The following TRAPPC13 variants were observed in gnomAD, a reference collection of about 807,000 sequenced individuals.
TRAPPC13 encodes REV7-interacting novel NHEJ regulator 1.
In TRAPPC13, 39 loss-of-function variants were observed where a neutral mutation model predicts 54.0. The ratio of observed to expected loss-of-function variants is 0.72; its 90% CI spans 0.56 to 0.94. TRAPPC13 has a LOEUF of 0.94. Among genes scored for constraint, TRAPPC13 ranks in the 40% least tolerant of loss-of-function variants. The pLI is 0.00. For missense variants in TRAPPC13, 386 were observed against 488.1 expected, an observed-to-expected ratio of 0.79 and a Z score of 1.97; for synonymous variants, 148 against 167.7, an observed-to-expected ratio of 0.88 and a Z score of 0.91.
Position 65,664,292 on chromosome 5 carries a change from T to C in TRAPPC13, c.1054T>C (p.Cys352Arg). 6.2e-7 allele frequency: 1 copy of C among 1,613,570 alleles called. No homozygotes were observed. Among genetic ancestry groups the C allele is most frequent in the Non-Finnish European group, 8.5e-7 (1 of 1,179,526 alleles). Residue 352 changes from cysteine (C) to arginine (R), a missense_variant, in exon 12 of 13, where the codon TGT becomes CGT. By Grantham distance (180) the Cys-to-Arg change is radical. Transcript: ENST00000399438. Reference sequence around the variant, plus strand: ...GTGCAATACCAATTCCATCCACTGGTGTGGAATTTCAGGAAGACAGCTGGG... The same window carrying C: ...GTGCAATACCAATTCCATCCACTGGCGTGGAATTTCAGGAAGACAGCTGGG... ...EMCNTNSIHW[C>R]GISGRQLGKL... is the part of the protein sequence containing the mutation.
chr5:65,664,552 G>C lies in TRAPPC13; in HGVS notation c.1195G>C (p.Glu399Gln). 2 of 1,612,150 alleles carry C rather than the reference G, an allele frequency of 1.2e-6. No individual in the cohort carries two copies. The highest frequency in any genetic ancestry group is 2.2e-5 in the South Asian group (2 of 90,536). ...AGACACATTCTTAAAGAGAACATAT[G>C]AATATGATGACATCGCACAAGTCTG... Reference protein sequence around the residue: ...LTDTFLKRTYEYDDIAQVCVV... With the variant: ...LTDTFLKRTYQYDDIAQVCVV... Residue 399 changes from glutamate (E) to glutamine (Q), a missense_variant, in exon 13 of 13, where the codon GAA (glutamate) becomes CAA (glutamine). Physicochemically the swap from Glu to Gln is conservative, Grantham distance 29. Coordinates refer to ENST00000399438, the MANE Select transcript of TRAPPC13 (RefSeq NM_024941.4).
At chr5:65,642,008 C>A (rs1162185112) in intron 4 of TRAPPC13, among the ~76,000 whole-genome samples, 1 of 151,792 alleles carries the variant, frequency 6.6e-6, no homozygotes, top group Non-Finnish European at 1.5e-5. Flanking sequence ...GCATAGAGGT[C>A]TGTAAAGTAG....
chr5:65,628,749 G>A (rs1755374392), intron 1 of TRAPPC13, among the ~76,000 whole-genome samples: 1 of 151,870 alleles, frequency 6.6e-6, no homozygotes, highest in South Asian at 2.1e-4. Flanking sequence ...GGGATTACAG[G>A]CATGAGCCAC....
intron 4 of TRAPPC13, among the ~76,000 whole-genome samples, chr5:65,642,537 T>C (rs1756009126): frequency 6.6e-6 from 1 of 152,202 alleles, no homozygotes. Flanking sequence ...TACTTTATTC[T>C]TTTTCTACCA....
intron 1 of TRAPPC13, 148 bp downstream of exon 1, chr5:65,625,254 T>A: frequency 1.5e-6 from 1 of 684,246 alleles, no homozygotes. Flanking sequence ...AGGAAGCGAT[T>A]TCTCCTGGAT....
At position 65,650,951 on chromosome 5, in the gene TRAPPC13, C is replaced by T. The variant is rs537792475; in HGVS notation, c.501+69C>T. On this transcript the variant is annotated intron_variant, in intron 6 of 12. Transcript: ENST00000399438. ...CTTCCTGGTAGTATACAGTTATTCC[C>T]GTTTATCTGCAGGGAAAACAAGCTC... is the stretch of plus-strand genomic sequence containing the variant. The T allele has an allele frequency of 1.1e-5, 13 of 1,130,924 alleles. No individual in the cohort carries two copies. In the East Asian group the frequency reaches 1.7e-4, roughly 15 times the overall value. 70.1% of individuals were successfully genotyped at this position (1,130,924 alleles called of 1,614,324 possible). A position where few individuals can be genotyped will look rare whatever the true frequency, so the allele number is the denominator to read the frequency against.
intron 9 of TRAPPC13, among the ~76,000 whole-genome samples, chr5:65,658,775 A>G (rs1756745439): frequency 6.6e-6 from 1 of 151,778 alleles, no homozygotes; most frequent in African/African-American, 2.4e-5. Context: ...ATGCAGTGGC[A>G]TGATCTTGAT....
At chr5:65,631,997 AAAT>A (rs1196002133) in intron 1 of TRAPPC13, among the ~76,000 whole-genome samples, 1 of 152,202 alleles carries the variant, frequency 6.6e-6, no homozygotes, top group Admixed American at 6.5e-5. Flanking sequence ...GAAATGAAAA[AAAT>A]AATAGGGAAG....
intron 1 of TRAPPC13, among the ~76,000 whole-genome samples, chr5:65,631,167 A>G (rs1755528607): frequency 6.6e-6 from 1 of 151,988 alleles, no homozygotes; most frequent in South Asian, 2.1e-4. Flanking sequence ...CACACAGCTT[A>G]CATGTCATTA....
Position 65,660,711 on chromosome 5 carries a change from T to C in TRAPPC13, c.711T>C (p.Phe237=), listed in dbSNP as rs746989231. 1 of 1,606,530 alleles carries C rather than the reference T, an allele frequency of 6.2e-7. No individual in the cohort carries two copies. Among genetic ancestry groups the C allele is most frequent in the Non-Finnish European group, 8.5e-7 (1 of 1,176,760 alleles). ...CCACCCCTCTCAGTGTGTCTACGTT[T>C]GGGTCAAGAGCATATTTGCAACCAA... The part of the protein sequence containing the change: ...VSQAGECVST[F]GSRAYLQPMD... Residue 237 remains phenylalanine, a synonymous_variant, in exon 10 of 13, where the codon TTT becomes TTC. Transcript: ENST00000399438.
chr5:65,625,642 T>C (rs1755181600), intron 1 of TRAPPC13, among the ~76,000 whole-genome samples: 1 of 152,248 alleles, frequency 6.6e-6, no homozygotes. Flanking sequence ...CAACTCTCAT[T>C]TTTTGTACAC....
intron 1 of TRAPPC13, chr5:65,630,629 C>T: frequency 9.6e-7 from 1 of 1,040,684 alleles, no homozygotes; most frequent in Non-Finnish European, 1.2e-6. Context: ...TGGTTAATCT[C>T]TAAAATCTAA....
At chr5:65,647,025 C>CTTTT in intron 4 of TRAPPC13, 30 bp from the exon 5 acceptor site, 6 of 1,408,300 alleles carry the variant, frequency 4.3e-6, no homozygotes, top group South Asian at 1.4e-5. Context: ...CTCATTTGGA[C>CTTTT]TTTTTTTTTT....
At chr5:65,652,045 G>A (rs1756478322) in intron 6 of TRAPPC13, among the ~76,000 whole-genome samples, 1 of 151,478 alleles carries the variant, frequency 6.6e-6, no homozygotes, top group Non-Finnish European at 1.5e-5. Context: ...TGTATTTTTA[G>A]TACAGACGGG....
Position 65,658,408 on chromosome 5 carries a change from C to T in TRAPPC13, c.605C>T (p.Thr202Ile). 3 of 1,598,092 alleles carry T rather than the reference C, an allele frequency of 1.9e-6. No homozygotes were observed. The highest frequency in any genetic ancestry group is 2.6e-6 in the Non-Finnish European group (3 of 1,170,976). ...CTGGAAGCCCAGATTCAGAATATGA[C>T]AACCTCACCTATGTTTATGGAGAAG... ...VFLEAQIQNM[T>I]TSPMFMEKVS... Residue 202 changes from threonine (T) to isoleucine (I), a missense_variant, in exon 9 of 13, where the codon ACA becomes ATA. Physicochemically the swap from Thr to Ile is moderately conservative, Grantham distance 89. Coordinates refer to ENST00000399438, the MANE Select transcript of TRAPPC13 (RefSeq NM_024941.4).
At position 65,630,752 on chromosome 5, in the gene TRAPPC13, C is replaced by T. The variant is rs1413724933; in HGVS notation, c.47-4549C>T. On this transcript the variant is annotated intron_variant, in intron 1 of 12. Coordinates refer to ENST00000399438, the MANE Select transcript of TRAPPC13 (RefSeq NM_024941.4). The stretch of plus-strand genomic sequence containing the variant: ...CATGAATGTAGTTCAAAGTGGGAGA[C>T]TAGTCTAGATTTATAATGATGTTTC... 6 of 818,358 alleles carry T rather than the reference C, an allele frequency of 7.3e-6. No individual in the cohort carries two copies. In the African/African-American group the frequency reaches 7.4e-5, roughly 10 times the overall value. The allele number at this position is 818,358 out of a possible 1,614,324, so 50.7% of individuals were successfully genotyped here. A position where few individuals can be genotyped will look rare whatever the true frequency, so the allele number is the denominator to read the frequency against.
intron 4 of TRAPPC13, among the ~76,000 whole-genome samples, chr5:65,644,456 T>C (rs1042600623): frequency 2.0e-5 from 3 of 152,322 alleles, no homozygotes; most frequent in Non-Finnish European, 4.4e-5. Flanking sequence ...CTTTCCTCTT[T>C]GCCTTTTCAA....
intron 10 of TRAPPC13, 85 bp downstream of exon 10, chr5:65,660,982 T>A: frequency 8.6e-7 from 1 of 1,164,660 alleles, no homozygotes; most frequent in South Asian, 1.6e-5. Context: ...CATCCAGCAG[T>A]AAAAAATTGG....
rs531160726 is a variant in TRAPPC13 at position 65,660,708 on chromosome 5, G to A, written c.708G>A (p.Thr236=). Residue 236 remains threonine, a synonymous_variant, in exon 10 of 13, where the codon ACG becomes ACA. Transcript: ENST00000399438. ...SVSQAGECVS[T]FGSRAYLQPM... ...TCTCCACCCCTCTCAGTGTGTCTACGTTTGGGTCAAGAGCATATTTGCAAC... is the reference window on the plus strand; with the variant it reads ...TCTCCACCCCTCTCAGTGTGTCTACATTTGGGTCAAGAGCATATTTGCAAC... The A allele has an allele frequency of 4.9e-5, 79 of 1,605,768 alleles. 1 individual carries two copies. Among genetic ancestry groups the A allele is most frequent in the South Asian group, 4.6e-4 (41 of 89,650 alleles).
Sources: gnomAD v4.1 joint callset for allele counts (sites outside exome capture counted in the v4.1 genomes callset) on GRCh38, gnomAD v4.1.1 for gene constraint, MANE v1.5 for transcripts, NCBI Gene and HGNC (gene_info 2026-07-23, HGNC 2026-07-21) for gene names.